The following TAFA1 variants were observed in gnomAD, a reference collection of about 807,000 sequenced individuals.
TAFA1 encodes chemokine-like protein TAFA-1.
Under a neutral mutation model 18.5 loss-of-function variants are expected in TAFA1, and 4 were observed. That is an observed-to-expected ratio of 0.22 (90% CI 0.11 to 0.49). TAFA1 has a LOEUF of 0.49. TAFA1 is among the 20% of genes least tolerant of loss of function. The probability of loss-of-function intolerance (pLI) is 0.98; values close to 1 mark genes in which losing one functional copy is unlikely to be tolerated. For synonymous variants in TAFA1, 56 were observed against 55.2 expected, an observed-to-expected ratio of 1.01 and a Z score of -0.06; for missense variants, 147 against 169.0, an observed-to-expected ratio of 0.87 and a Z score of 0.72.
chr3:68,261,936 A>T (rs907555805), intron 2 of TAFA1, among the ~76,000 whole-genome samples: 2 of 151,758 alleles, frequency 1.3e-5, no homozygotes, highest in African/African-American at 4.8e-5. Context: ...ATTACAAAAA[A>T]AAGAAAGTGA....
rs557817485 is a variant in TAFA1, at chr3:68,145,307, G to A, written c.118+138563G>A. 1.6e-5 allele frequency: 13 copies of A among 791,678 alleles called. No homozygotes were observed. In the East Asian group the frequency reaches 3.2e-4, roughly 19 times the overall value. The allele number at this position is 791,678 out of a possible 1,614,324, so 49.0% of individuals were successfully genotyped here. On this transcript the variant is annotated intron_variant, in intron 2 of 4. Coordinates refer to ENST00000478136, the MANE Select transcript of TAFA1 (RefSeq NM_213609.4). ...CAACGCTCATCAGTGGTCTGAGACA[G>A]TCCAGCCAATTATGGAAGCACTTAG...
rs780442324 is a variant in TAFA1, at chr3:68,544,539, T to C, written c.*36T>C. On this transcript the variant is annotated 3_prime_UTR_variant, in exon 5 of 5. Coordinates refer to ENST00000478136, the MANE Select transcript of TAFA1 (RefSeq NM_213609.4). ...TGTGGTAGTAAAGGAAAACCAACCC[T>C]CTGGAAAATACATTTTGAGAATCTC... 6.2e-7 allele frequency: 1 copy of C among 1,606,874 alleles called. No homozygotes were observed. The highest frequency in any genetic ancestry group is 1.7e-5 in the Admixed American group (1 of 59,770).
chr3:68,513,138 T>A (rs2072874196), intron 3 of TAFA1, among the ~76,000 whole-genome samples: 1 of 152,106 alleles, frequency 6.6e-6, no homozygotes, highest in Non-Finnish European at 1.5e-5. Flanking sequence ...TCCATTCCAC[T>A]TTTCATCCAC....
At chr3:68,318,941 A>AT (rs138872285) in intron 2 of TAFA1, among the ~76,000 whole-genome samples, 3,927 of 152,066 alleles carry the variant, frequency 0.026, 86 homozygotes, top group East Asian at 0.098. Context: ...ATAAACATCC[A>AT]TTTTTTTTAA....
intron 4 of TAFA1, among the ~76,000 whole-genome samples, chr3:68,543,513 T>C (rs980018066): frequency 1.3e-4 from 20 of 152,112 alleles, no homozygotes; most frequent in African/African-American, 4.3e-4. Flanking sequence ...AGACCCCAGA[T>C]TGCACAATTA....
At chr3:68,386,558 A>G (rs1456621116) in intron 2 of TAFA1, among the ~76,000 whole-genome samples, 1 of 152,104 alleles carries the variant, frequency 6.6e-6, no homozygotes, top group Non-Finnish European at 1.5e-5. Context: ...CCTGGAGGAG[A>G]CTGGCCTAGC....
intron 2 of TAFA1, among the ~76,000 whole-genome samples, chr3:68,156,686 A>T (rs2065871053): frequency 6.6e-6 from 1 of 152,174 alleles, no homozygotes; most frequent in Admixed American, 6.5e-5. Flanking sequence ...TTTAACAATG[A>T]ATATAACTTC....
At chr3:67,993,912 G>C in the TAFA1 span, among the ~76,000 whole-genome samples, 1 of 152,024 alleles carries the variant, frequency 6.6e-6, no homozygotes, top group Non-Finnish European at 1.5e-5. Flanking sequence ...ATCAAGGGGA[G>C]GGGGGAGCAC....
rs1482679319 is a variant in TAFA1 at position 68,370,516 on chromosome 3, A to G, written c.119-46764A>G. The stretch of plus-strand genomic sequence containing the variant: ...TATATATATATATATATATATATAT[A>G]CCCACATATGTATTTTGGAGCCTGA... On this transcript the variant is annotated intron_variant, in intron 2 of 4. Transcript: ENST00000478136. 1.5e-3 allele frequency among the ~76,000 whole-genome samples: 164 copies of G among 106,344 alleles called. 1 individual carries two copies. The highest frequency in any genetic ancestry group is 5.6e-3 in the African/African-American group (154 of 27,336). 69.8% of individuals were successfully genotyped at this position (106,344 alleles called of 152,430 possible).
intron 2 of TAFA1, among the ~76,000 whole-genome samples, chr3:68,371,677 C>T (rs188687955): frequency 2.0e-5 from 3 of 152,264 alleles, no homozygotes; most frequent in East Asian, 3.9e-4. Flanking sequence ...AATAGTGCTG[C>T]AATAAATGGG....
chr3:68,392,923 A>G (rs1402853029), intron 2 of TAFA1, among the ~76,000 whole-genome samples: 4 of 152,174 alleles, frequency 2.6e-5, no homozygotes, highest in African/African-American at 7.2e-5. Flanking sequence ...TAAAATCAAC[A>G]CCCTAACGTC....
intron 2 of TAFA1, among the ~76,000 whole-genome samples, chr3:68,293,042 T>TAA (rs764226977): frequency 3.8e-4 from 37 of 98,404 alleles, no homozygotes; most frequent in African/African-American, 1.5e-3. Flanking sequence ...AAGGATGACT[T>TAA]TAAAAAAAAA....
At chr3:68,521,392 T>C (rs2073019049) in intron 3 of TAFA1, among the ~76,000 whole-genome samples, 1 of 152,174 alleles carries the variant, frequency 6.6e-6, no homozygotes, top group Non-Finnish European at 1.5e-5. Context: ...CTGTAGCCAA[T>C]TTACAATGCT....
At chr3:68,171,929 A>G (rs997914260) in intron 2 of TAFA1, among the ~76,000 whole-genome samples, 1 of 152,166 alleles carries the variant, frequency 6.6e-6, no homozygotes, top group Non-Finnish European at 1.5e-5. Flanking sequence ...AAAATGAGGG[A>G]AAATGAACAG....
intron 2 of TAFA1, among the ~76,000 whole-genome samples, chr3:68,246,517 G>T (rs1484941075): frequency 6.8e-6 from 1 of 146,022 alleles, no homozygotes; most frequent in Admixed American, 7.1e-5. Context: ...GTGAACCCGG[G>T]AGGCGGAGCT....
intron 2 of TAFA1, among the ~76,000 whole-genome samples, chr3:68,183,224 G>T (rs890781244): frequency 1.6e-4 from 25 of 152,104 alleles, no homozygotes; most frequent in Non-Finnish European, 1.2e-4. Flanking sequence ...ACCACTTATT[G>T]TGCATCAAGT....
intron 2 of TAFA1, among the ~76,000 whole-genome samples, chr3:68,109,664 G>A (rs932097026): frequency 6.6e-6 from 1 of 152,070 alleles, no homozygotes; most frequent in Admixed American, 6.6e-5. Context: ...TGAAGAAAGA[G>A]ATTTACTAAG....
chr3:68,064,778 A>G (rs1446825936), intron 2 of TAFA1, among the ~76,000 whole-genome samples: 1 of 151,946 alleles, frequency 6.6e-6, no homozygotes, highest in Non-Finnish European at 1.5e-5. Flanking sequence ...CCATTGTATA[A>G]TATTAATGAT....
chr3:68,321,552 A>G (rs2068697783), intron 2 of TAFA1, among the ~76,000 whole-genome samples: 2 of 152,212 alleles, frequency 1.3e-5, no homozygotes, highest in Admixed American at 1.3e-4. Flanking sequence ...AAAATGGCAT[A>G]TAATAATAAA....
Sources: allele counts gnomAD v4.1 joint callset (sites outside exome capture counted in the v4.1 genomes callset), GRCh38; gene constraint gnomAD v4.1.1; transcripts MANE v1.5; gene names NCBI Gene and HGNC (gene_info 2026-07-23, HGNC 2026-07-21).